ZNF445: variants seen among roughly 807,000 people sequenced by gnomAD.
ZNF445 encodes zinc finger protein 445.
In ZNF445, 19 loss-of-function variants were observed where a neutral mutation model predicts 93.9. That is an observed-to-expected ratio of 0.20 (90% CI 0.14 to 0.30). The LOEUF (loss-of-function observed/expected upper bound fraction) is 0.30. Ranked by LOEUF, ZNF445 falls within the 10% of genes least tolerant of loss-of-function variation. The pLI, the probability that ZNF445 is intolerant of heterozygous loss-of-function variation, is 1.00. For synonymous variants in ZNF445, 449 were observed against 446.3 expected (o/e 1.01, Z -0.08); for missense variants, 1,058 against 1,259.4 (o/e 0.84, Z 2.42).
intron 3 of ZNF445, among the ~76,000 whole-genome samples, chr3:44,453,732 G>A (rs535798740): frequency 6.6e-6 from 1 of 152,352 alleles, no homozygotes; most frequent in Admixed American, 6.5e-5. Context: ...GAACTGACCA[G>A]CTGCTGCTCT....
chr3:44,475,458 C>T (rs1455978793), intron 1 of ZNF445, among the ~76,000 whole-genome samples: 1 of 152,020 alleles, frequency 6.6e-6, no homozygotes, highest in Admixed American at 6.5e-5. Context: ...CCTCAGCCTC[C>T]CAAAGTGCTG....
rs374515981 is a variant in ZNF445, at chr3:44,446,707, G to T, written c.2964C>A (p.Asn988Lys). ...TGTGGCTAATGAGTTGTGAACTCTTGTTAAAAGTTTTCCCACATATGCTGC... is the reference window on the plus strand; with the variant it reads ...TGTGGCTAATGAGTTGTGAACTCTTTTTAAAAGTTTTCCCACATATGCTGC... The part of the protein sequence containing the change: ...HKCSICGKTF[N>K]KSSQLISHKR... The change falls in exon 8 of 8, where the codon AAC (asparagine) becomes AAA (lysine). Residue 988 changes from asparagine (N) to lysine (K), a missense_variant. Asn to Lys is a moderately conservative substitution (Grantham distance 94, BLOSUM62 0). This residue lies in a region of ZNF445 where 387 missense variants were observed against 475.7 expected (regional missense o/e 0.81). Coordinates refer to ENST00000396077, the MANE Select transcript of ZNF445 (RefSeq NM_181489.6). The surrounding 1 kb of genome is among the most constrained non-coding windows in gnomAD (Gnocchi z 4.2). The T allele has an allele frequency of 6.2e-7, 1 of 1,614,190 alleles. No homozygotes were observed. The highest frequency in any genetic ancestry group is 1.3e-5 in the African/African-American group (1 of 75,036).
In ZNF445 at chr3:44,449,613, G is replaced by C; in HGVS notation, c.831C>G (p.Phe277Leu). 1.2e-6 allele frequency: 2 copies of C among 1,613,868 alleles called. No individual in the cohort carries two copies. Among genetic ancestry groups the C allele is most frequent in the Non-Finnish European group, 1.7e-6 (2 of 1,179,808 alleles). ...ACCAGGAGATCAGAGCAGGTTTGGT[G>C]AATGGTCCCACTGCAGAAGAGAAGA... ...YRNMASLVGP[F>L]TKPALISWLE... The change falls in exon 7 of 8, where the codon TTC becomes TTG. Residue 277 changes from phenylalanine to leucine, a missense_variant. By Grantham distance (22) the Phe-to-Leu change is conservative (BLOSUM62 0). Coordinates refer to ENST00000396077, the MANE Select transcript of ZNF445 (RefSeq NM_181489.6).
Position 44,457,269 on chromosome 3 carries a change from AT to A in ZNF445, c.-148+974del, listed in dbSNP as rs57442094. On this transcript the variant is annotated intron_variant, in intron 2 of 7. Coordinates refer to ENST00000396077, the MANE Select transcript of ZNF445 (RefSeq NM_181489.6). ...TCCACACCTGTGATACACCCAACTG[AT>A]TTTTTTTTTCTTTTTTTTAAAGACA... is the stretch of plus-strand genomic sequence containing the variant. Among the ~76,000 whole-genome samples the A allele has an allele frequency of 1.2e-4, 18 of 149,616 alleles. No homozygotes were observed. The East Asian group carries it at 1.4e-3, about 11-fold the overall frequency.
chr3:44,469,866 T>C (rs1416254119), intron 1 of ZNF445, among the ~76,000 whole-genome samples: 3 of 152,236 alleles, frequency 2.0e-5, no homozygotes, highest in African/African-American at 7.2e-5. Context: ...ATGTGACACC[T>C]ACAGTCACAA....
chr3:44,477,231 T>A (rs1040339297), intron 1 of ZNF445, among the ~76,000 whole-genome samples: 1 of 152,266 alleles, frequency 6.6e-6, no homozygotes, highest in Non-Finnish European at 1.5e-5. Flanking sequence ...ATATTTTAAA[T>A]GTCAGGAGGC....
Position 44,432,273 on chromosome 3 carries a change from C to G in ZNF445, c.*14302G>C, listed in dbSNP as rs7433605. 3,319 of 140,672 alleles carry G rather than the reference C, an allele frequency of 0.024. 66 individuals carry two copies. Among genetic ancestry groups the G allele is most frequent in the African/African-American group, 0.045 (1,781 of 39,174 alleles). The allele number at this position is 140,672 out of a possible 1,614,324, so 8.7% of individuals were successfully genotyped here. A position where few individuals can be genotyped will look rare whatever the true frequency, so the allele number is the denominator to read the frequency against. On this transcript the variant is annotated 3_prime_UTR_variant, in exon 8 of 8. Transcript: ENST00000396077. ...TCTACACTCATTTGTGTGTGTGTGT[C>G]TGTGTGTGTGTGTGTGTGTGTGTGT...
At position 44,438,068 on chromosome 3, in the gene ZNF445, A is replaced by G. The variant is rs117993534; in HGVS notation, c.*8507T>C. Reference sequence around the variant, plus strand: ...CTCTCGTTCCAATGCTTCTGACGCTATCTCTACAGATTCCCCAGGTTTCTA... The same window carrying G: ...CTCTCGTTCCAATGCTTCTGACGCTGTCTCTACAGATTCCCCAGGTTTCTA... On this transcript the variant is annotated 3_prime_UTR_variant, in exon 8 of 8. Coordinates refer to ENST00000396077, the MANE Select transcript of ZNF445 (RefSeq NM_181489.6). 6.6e-6 allele frequency: 1 copy of G among 152,080 alleles called. No individual in the cohort carries two copies. The highest frequency in any genetic ancestry group is 1.5e-5 in the Non-Finnish European group (1 of 68,024). The allele number at this position is 152,080 out of a possible 1,614,324, so 9.4% of individuals were successfully genotyped here. A position where few individuals can be genotyped will look rare whatever the true frequency, so the allele number is the denominator to read the frequency against.
rs1697860348 is a variant in ZNF445 at position 44,444,927 on chromosome 3, C to T, written c.*1648G>A. 6.6e-6 allele frequency: 1 copy of T among 152,254 alleles called. No homozygotes were observed. Among genetic ancestry groups the T allele is most frequent in the Admixed American group, 6.5e-5 (1 of 15,288 alleles). The allele number at this position is 152,254 out of a possible 1,614,324, so 9.4% of individuals were successfully genotyped here. ...TATCCTTTCATTCATAATCTGACCT[C>T]TTCAATAATCAGAAGCAATGATTAC... On this transcript the variant is annotated 3_prime_UTR_variant, in exon 8 of 8. Coordinates refer to ENST00000396077, the MANE Select transcript of ZNF445 (RefSeq NM_181489.6).
intron 1 of ZNF445, among the ~76,000 whole-genome samples, chr3:44,465,870 T>C (rs922577210): frequency 2.0e-5 from 3 of 152,074 alleles, no homozygotes; most frequent in Admixed American, 6.6e-5. Flanking sequence ...GTCGAGATCA[T>C]GCCATGGCAC....
chr3:44,447,829 T>C lies in ZNF445; in HGVS notation c.1842A>G (p.Glu614=), dbSNP rs757038855. 6.2e-7 allele frequency: 1 copy of C among 1,614,110 alleles called. No homozygotes were observed. The highest frequency in any genetic ancestry group is 8.5e-7 in the Non-Finnish European group (1 of 1,180,034). ...TCTCCTGGGTGTGAATCCTTTGATG[T>C]TCAAGAACATATGACTTACAGTGGA... ...KSFHCKSYVL[E]HQRIHTQEKP... The change falls in exon 8 of 8, where the codon GAA becomes GAG. Residue 614 remains glutamate (E), a synonymous_variant. Transcript: ENST00000396077. The surrounding 1 kb of genome is among the most constrained non-coding windows in gnomAD (Gnocchi z 4.7).
chr3:44,449,488 AC>A lies in ZNF445; in HGVS notation c.931+24del, dbSNP rs759514405. The A allele has an allele frequency of 1.9e-6, 3 of 1,563,928 alleles. No individual in the cohort carries two copies. The Admixed American group carries it at 5.0e-5, about 26-fold the overall frequency. On this transcript the variant is annotated intron_variant, in intron 7 of 7. Coordinates refer to ENST00000396077, the MANE Select transcript of ZNF445 (RefSeq NM_181489.6). ...GAAAAGTAAAAGCAGGAGGAGCAGG[AC>A]CTGGCAGGTTCTCTGGAACTCACCT...
chr3:44,456,874 A>G (rs1698034104), intron 2 of ZNF445, among the ~76,000 whole-genome samples: 1 of 152,144 alleles, frequency 6.6e-6, no homozygotes, highest in South Asian at 2.1e-4. Flanking sequence ...CACTTTCAGG[A>G]GGTAATACTT....
intron 3 of ZNF445, among the ~76,000 whole-genome samples, chr3:44,452,311 A>G (rs928628170): frequency 3.3e-5 from 5 of 152,084 alleles, no homozygotes; most frequent in African/African-American, 1.2e-4. Context: ...TGAACTGACC[A>G]CAATAATTTA....
chr3:44,454,993 T>C lies in ZNF445; in HGVS notation c.429+128A>G, dbSNP rs748255144. The C allele has an allele frequency of 1.3e-5, 15 of 1,181,128 alleles. No individual in the cohort carries two copies. The African/African-American group carries it at 1.7e-4, about 13-fold the overall frequency. 73.2% of individuals were successfully genotyped at this position (1,181,128 alleles called of 1,614,324 possible). A position where few individuals can be genotyped will look rare whatever the true frequency, so the allele number is the denominator to read the frequency against. On this transcript the variant is annotated intron_variant, in intron 3 of 7. Coordinates refer to ENST00000396077, the MANE Select transcript of ZNF445 (RefSeq NM_181489.6). The stretch of plus-strand genomic sequence containing the variant: ...CCCGTTCTCAGCTGCTCAGGTACCA[T>C]GGGAAGAAAGGAAGGCTTCCCCTGC...
In ZNF445 at chr3:44,442,794, C is replaced by T. The variant is rs751166561; in HGVS notation, c.*3781G>A. 6.6e-6 allele frequency: 1 copy of T among 152,138 alleles called. No individual in the cohort carries two copies. Among genetic ancestry groups the T allele is most frequent in the African/African-American group, 2.4e-5 (1 of 41,424 alleles). The allele number at this position is 152,138 out of a possible 1,614,324, so 9.4% of individuals were successfully genotyped here. A position where few individuals can be genotyped will look rare whatever the true frequency, so the allele number is the denominator to read the frequency against. On this transcript the variant is annotated 3_prime_UTR_variant, in exon 8 of 8. Transcript: ENST00000396077. ...CAAACAGCTCAGAACCACCCACAGC[C>T]GGGTTCCTAACCAGCAGGTGTGTGT...
chr3:44,451,703 C>A (rs1229052439), intron 3 of ZNF445, among the ~76,000 whole-genome samples: 2 of 152,110 alleles, frequency 1.3e-5, no homozygotes, highest in African/African-American at 4.8e-5. Flanking sequence ...TGGGAGAGTC[C>A]AGGTAGAGAC....
rs902402609 is a variant in ZNF445, at chr3:44,436,000, T to G, written c.*10575A>C. 5.3e-5 allele frequency: 8 copies of G among 152,136 alleles called. No homozygotes were observed. Among genetic ancestry groups the G allele is most frequent in the African/African-American group, 1.9e-4 (8 of 41,434 alleles). 9.4% of individuals were successfully genotyped at this position (152,136 alleles called of 1,614,324 possible). ...GGCCTTGGGTGCCTTTGGGGAGGCC[T>G]AGGAAGATAAAAAGTATAAATTATT... On this transcript the variant is annotated 3_prime_UTR_variant, in exon 8 of 8. Transcript: ENST00000396077.
At chr3:44,476,118 A>T (rs1341337501) in intron 1 of ZNF445, among the ~76,000 whole-genome samples, 1 of 152,268 alleles carries the variant, frequency 6.6e-6, no homozygotes, top group Non-Finnish European at 1.5e-5. Flanking sequence ...TGAGAGTCAC[A>T]GAAATGTACT....
Sources: allele counts gnomAD v4.1 joint callset (sites outside exome capture counted in the v4.1 genomes callset), GRCh38; gene constraint gnomAD v4.1.1; regional missense constraint gnomAD v4.1.1; non-coding constraint Gnocchi (gnomAD v3.1); transcripts MANE v1.5; gene names NCBI Gene and HGNC (gene_info 2026-07-23, HGNC 2026-07-21).